Variants in PCLAF observed in about 807,000 individuals in gnomAD.
PCLAF encodes the protein PCNA-associated factor.
Under a neutral mutation model 15.1 loss-of-function variants are expected in PCLAF, and 12 were observed. The observed-to-expected ratio is 0.79, with a 90% CI of 0.51 to 1.29. The LOEUF (loss-of-function observed/expected upper bound fraction) is 1.29, where lower values mean the gene tolerates loss of function less well. Ranked by LOEUF, PCLAF falls within the 50% of genes most tolerant of loss-of-function variation. The pLI, the probability that PCLAF is intolerant of heterozygous loss-of-function variation, is 0.00. For missense variants in PCLAF, 116 were observed against 130.9 expected (o/e 0.89, Z 0.56); for synonymous variants, 33 against 47.1 (o/e 0.70, Z 1.22).
upstream of PCLAF, among the ~76,000 whole-genome samples, chr15:64,384,399 G>T (rs1032501375): frequency 6.6e-6 from 1 of 151,856 alleles, no homozygotes; most frequent in African/African-American, 2.4e-5. Flanking sequence ...CTCCCAAAGT[G>T]CTGGGATTAC....
chr15:64,377,040 G>A, intron 2 of PCLAF, 135 bp from the exon 3 acceptor site: 1 of 672,696 alleles, frequency 1.5e-6, no homozygotes, highest in Non-Finnish European at 2.4e-6. Context: ...ACAACTTAAA[G>A]AATTAGAAAA....
At chr15:64,383,183 G>T (rs1020534051), upstream of PCLAF, among the ~76,000 whole-genome samples, 1 of 152,094 alleles carries the variant, frequency 6.6e-6, no homozygotes, top group Non-Finnish European at 1.5e-5. Context: ...CAGATTTAAG[G>T]AATCTAGGCA....
chr15:64,374,199 G>T (rs1899485470), intron 3 of PCLAF, among the ~76,000 whole-genome samples: 1 of 152,060 alleles, frequency 6.6e-6, no homozygotes, highest in Non-Finnish European at 1.5e-5. Flanking sequence ...ATTATTGTGA[G>T]CATTTTCCTG....
At chr15:64,382,436 G>GA (rs1899847540), upstream of PCLAF, 1 of 148,676 alleles carries the variant, frequency 6.7e-6, no homozygotes, top group Admixed American at 6.8e-5. Flanking sequence ...AAGAAAGAAA[G>GA]AAAGAAAAGA....
At chr15:64,375,978 G>A (rs1899589623) in intron 3 of PCLAF, among the ~76,000 whole-genome samples, 1 of 152,188 alleles carries the variant, frequency 6.6e-6, no homozygotes, top group South Asian at 2.1e-4. Flanking sequence ...TGTAATCCCA[G>A]TACTTTGGGA....
chr15:64,367,633 T>G (rs1899101416), intron 3 of PCLAF, among the ~76,000 whole-genome samples: 1 of 151,576 alleles, frequency 6.6e-6, no homozygotes, highest in Non-Finnish European at 1.5e-5. Flanking sequence ...CTGCAACCTC[T>G]GCCTCCCGGG....
At chr15:64,381,231 G>A (rs962769904) in intron 1 of PCLAF, 95 bp downstream of exon 1, 7 of 1,462,446 alleles carry the variant, frequency 4.8e-6, no homozygotes, top group Middle Eastern at 3.5e-4. Context: ...TGAGTTTGGC[G>A]CACAGGGCCC....
At position 64,377,491 on chromosome 15, in the gene PCLAF, AT is replaced by A. The variant is rs1566966764; in HGVS notation, c.128-587del. 8.5e-3 allele frequency among the ~76,000 whole-genome samples: 157 copies of A among 18,384 alleles called. 19 individuals are homozygous for A. The highest frequency in any genetic ancestry group is 0.01 in the Non-Finnish European group (102 of 9,938). 12.1% of individuals were successfully genotyped at this position (18,384 alleles called of 152,430 possible). ...GTCTCAAAAAAAAAAAAAAAAAAAT[AT>A]ATATATATATATATATATATATATA... On this transcript the variant is annotated intron_variant, in intron 2 of 3. Coordinates refer to ENST00000300035, the MANE Select transcript of PCLAF (RefSeq NM_014736.6).
chr15:64,379,991 T>C (rs1243988081), intron 2 of PCLAF, among the ~76,000 whole-genome samples: 1 of 152,090 alleles, frequency 6.6e-6, no homozygotes, highest in Admixed American at 6.6e-5. Context: ...GACATTGCAA[T>C]GAGCACTCAG....
intron 3 of PCLAF, among the ~76,000 whole-genome samples, chr15:64,374,150 T>C (rs969548287): frequency 1.3e-5 from 2 of 152,214 alleles, no homozygotes; most frequent in Admixed American, 1.3e-4. Context: ...ATTTACACAG[T>C]AAAGATTGTA....
chr15:64,367,356 A>T (rs1177782817), intron 3 of PCLAF, among the ~76,000 whole-genome samples: 5 of 151,074 alleles, frequency 3.3e-5, no homozygotes, highest in Non-Finnish European at 5.9e-5. Flanking sequence ...TACAAAAATT[A>T]GCCGGGCATG....
intron 3 of PCLAF, among the ~76,000 whole-genome samples, chr15:64,375,263 T>C (rs1015783502): frequency 2.6e-5 from 4 of 152,126 alleles, no homozygotes; most frequent in African/African-American, 9.7e-5. Context: ...TAGCTGAGAT[T>C]ACAGGCACGT....
intron 2 of PCLAF, among the ~76,000 whole-genome samples, chr15:64,377,854 T>G (rs996348511): frequency 7.0e-6 from 1 of 142,750 alleles, no homozygotes; most frequent in African/African-American, 2.6e-5. Context: ...CGGATTCAAG[T>G]GATTCTCCTG....
intron 1 of PCLAF, 37 bp downstream of exon 1, chr15:64,381,288 AC>A (rs141142230): frequency 2.3e-5 from 37 of 1,602,924 alleles, no homozygotes; most frequent in Non-Finnish European, 2.9e-5. Flanking sequence ...TGCCGGGAGG[AC>A]CCCCCCGCCC....
chr15:64,366,166 T>G, intron 3 of PCLAF, 91 bp from the exon 4 acceptor site: 1 of 893,248 alleles, frequency 1.1e-6, no homozygotes, highest in Non-Finnish European at 1.7e-6. Context: ...GGAACATTAA[T>G]TAACAGTGCA....
intron 3 of PCLAF, among the ~76,000 whole-genome samples, chr15:64,370,078 CTT>C (rs879440425): frequency 5.0e-5 from 7 of 139,542 alleles, no homozygotes; most frequent in African/African-American, 7.9e-5. Context: ...ATGGAGTGTC[CTT>C]TTTTTTTTTT....
At chr15:64,377,844 C>T (rs375314966) in intron 2 of PCLAF, among the ~76,000 whole-genome samples, 2 of 147,544 alleles carry the variant, frequency 1.4e-5, no homozygotes, top group Admixed American at 7.0e-5. Flanking sequence ...CTCTGCCTCC[C>T]GGATTCAAGT....
At chr15:64,373,436 A>G in intron 3 of PCLAF, 1 of 405,356 alleles carries the variant, frequency 2.5e-6, no homozygotes, top group Non-Finnish European at 4.2e-6. Flanking sequence ...ACTTCTAGGC[A>G]CCATTTGGAT....
chr15:64,373,511 T>C lies in PCLAF; in HGVS notation c.290+3232A>G, dbSNP rs200855840. 4.9e-4 allele frequency: 475 copies of C among 961,920 alleles called. 1 individual carries two copies. The highest frequency in any genetic ancestry group is 4.8e-4 in the Non-Finnish European group (344 of 714,012). 59.6% of individuals were successfully genotyped at this position (961,920 alleles called of 1,614,324 possible). A position where few individuals can be genotyped will look rare whatever the true frequency, so the allele number is the denominator to read the frequency against. ...TTGACCTGCCTCTTAATGGTAGAGA[T>C]GTAGAAGGGCAAGCAAGACCACAAG... On this transcript the variant is annotated intron_variant, in intron 3 of 3. Transcript: ENST00000300035.
Sources: allele counts gnomAD v4.1 joint callset (sites outside exome capture counted in the v4.1 genomes callset), GRCh38; gene constraint gnomAD v4.1.1; transcripts MANE v1.5; gene names NCBI Gene and HGNC (gene_info 2026-07-23, HGNC 2026-07-21).